DPP10: variants seen among roughly 807,000 people sequenced by gnomAD.
The protein encoded by DPP10 is dipeptidyl peptidase like 10.
Under a neutral mutation model 120.9 loss-of-function variants are expected in DPP10, and 33 were observed. The ratio of observed to expected loss-of-function variants is 0.27; its 90% CI spans 0.21 to 0.37. The LOEUF is 0.37. DPP10 is among the 10% of genes least tolerant of loss of function. DPP10 has a pLI of 1.00. For synonymous variants in DPP10, 337 were observed against 326.1 expected (o/e 1.03, Z -0.36); for missense variants, 816 against 942.8 (o/e 0.87, Z 1.76).
Position 115,746,560 on chromosome 2 carries a change from T to G in DPP10, c.950+377T>G, listed in dbSNP as rs181548269. Among the ~76,000 whole-genome samples the G allele has an allele frequency of 1.7e-4, 26 of 152,274 alleles. No individual in the cohort carries two copies. The East Asian group carries it at 3.7e-3, about 21-fold the overall frequency. ...TATAATCTCTCTGGAATTTGTGAGT[T>G]TTTCCAACTTTCTCCCCATAGTTTT... On this transcript the variant is annotated intron_variant, in intron 10 of 25. Transcript: ENST00000410059.
chr2:114,515,940 A>G (rs111359951), intron 1 of DPP10, among the ~76,000 whole-genome samples: 6 of 152,220 alleles, frequency 3.9e-5, no homozygotes, highest in East Asian at 1.9e-4. Flanking sequence ...ACTTAGCTCC[A>G]TGGTGAAGTC....
At chr2:114,658,267 AT>A (rs1482786178) in intron 1 of DPP10, among the ~76,000 whole-genome samples, 1 of 152,188 alleles carries the variant, frequency 6.6e-6, no homozygotes, top group African/African-American at 2.4e-5. Flanking sequence ...ATATTTGACA[AT>A]TTGACATGGT....
chr2:115,459,452 C>T (rs182220153), intron 3 of DPP10, among the ~76,000 whole-genome samples: 194 of 152,140 alleles, frequency 1.3e-3, no homozygotes, highest in Non-Finnish European at 1.9e-3. Context: ...CTACCACGCC[C>T]GGCTGTGAGT....
At chr2:115,589,526 T>C (rs2082496477) in intron 5 of DPP10, among the ~76,000 whole-genome samples, 1 of 152,150 alleles carries the variant, frequency 6.6e-6, no homozygotes, top group South Asian at 2.1e-4. Context: ...AGAGGATTTT[T>C]TACAAATATA....
chr2:114,779,100 G>A (rs76209579), intron 1 of DPP10, among the ~76,000 whole-genome samples: 1 of 152,126 alleles, frequency 6.6e-6, no homozygotes, highest in African/African-American at 2.4e-5. Flanking sequence ...GAGTAATCCC[G>A]TGTTGCAGCA....
intron 25 of DPP10, 110 bp downstream of exon 25, chr2:115,840,933 TG>T: frequency 1.2e-6 from 1 of 838,348 alleles, no homozygotes; most frequent in Non-Finnish European, 1.8e-6. Flanking sequence ...TTTTTTAATA[TG>T]TTTTTTAGTT....
intron 1 of DPP10, among the ~76,000 whole-genome samples, chr2:114,765,394 T>C (rs1198546804): frequency 1.3e-5 from 2 of 152,192 alleles, no homozygotes; most frequent in Non-Finnish European, 2.9e-5. Context: ...TTGCATCATT[T>C]ACCTAATTAA....
intron 1 of DPP10, among the ~76,000 whole-genome samples, chr2:115,116,843 C>G (rs958001841): frequency 1.3e-5 from 2 of 152,156 alleles, no homozygotes; most frequent in African/African-American, 4.8e-5. Flanking sequence ...TATTTTCTCT[C>G]TTTCTAGTTA....
At chr2:114,675,129 C>T (rs1334989522) in intron 1 of DPP10, among the ~76,000 whole-genome samples, 2 of 152,078 alleles carry the variant, frequency 1.3e-5, no homozygotes, top group Non-Finnish European at 2.9e-5. Flanking sequence ...ATTTTATGAA[C>T]CTCCTCATCA....
intron 1 of DPP10, among the ~76,000 whole-genome samples, chr2:114,657,586 G>A (rs181060646): frequency 4.6e-5 from 7 of 152,138 alleles, no homozygotes; most frequent in South Asian, 4.2e-4. Context: ...ATAACCCATC[G>A]TGAGAAGGCA....
intron 1 of DPP10, among the ~76,000 whole-genome samples, chr2:114,837,789 C>T (rs1484248709): frequency 6.6e-6 from 1 of 152,142 alleles, no homozygotes; most frequent in Non-Finnish European, 1.5e-5. Context: ...CTTCATAAAA[C>T]ATTCATTATT....
intron 1 of DPP10, among the ~76,000 whole-genome samples, chr2:114,845,712 C>T (rs898215468): frequency 6.6e-5 from 10 of 152,078 alleles, no homozygotes; most frequent in African/African-American, 2.4e-4. Context: ...AAGAAATATC[C>T]GTGGATTTGC....
At chr2:114,974,206 C>A (rs1305342954) in intron 1 of DPP10, among the ~76,000 whole-genome samples, 1 of 152,114 alleles carries the variant, frequency 6.6e-6, no homozygotes, top group Admixed American at 6.5e-5. Context: ...CTAAGTCCTG[C>A]AAGCTCCATT....
At chr2:115,107,029 C>A (rs994137350) in intron 1 of DPP10, among the ~76,000 whole-genome samples, 15 of 149,630 alleles carry the variant, frequency 1.0e-4, no homozygotes, top group Non-Finnish European at 5.9e-5. Context: ...GAGCTGAGAT[C>A]GAGCCACTGC....
chr2:115,308,827 C>T (rs1358851114), intron 1 of DPP10, among the ~76,000 whole-genome samples: 1 of 151,722 alleles, frequency 6.6e-6, no homozygotes, highest in Non-Finnish European at 1.5e-5. Context: ...TTGCCCCATC[C>T]AGTTAGAAAG....
At chr2:115,777,378 C>A in intron 14 of DPP10, 79 bp downstream of exon 14, 1 of 1,311,578 alleles carries the variant, frequency 7.6e-7, no homozygotes, top group East Asian at 2.4e-5. Context: ...TTATGTTTTG[C>A]TTACCATAGT....
chr2:115,260,625 A>G lies in DPP10; in HGVS notation c.61-48614A>G, dbSNP rs988993595. On this transcript the variant is annotated intron_variant, in intron 1 of 25. Coordinates refer to ENST00000410059, the MANE Select transcript of DPP10 (RefSeq NM_020868.6). ...ATTCATGAATATGTTTAAATTTTAG[A>G]AAACTGGACCACAAAAGTCTATCCT... is the stretch of plus-strand genomic sequence containing the variant. Among the ~76,000 whole-genome samples, 5 of 152,340 alleles carry G rather than the reference A, an allele frequency of 3.3e-5. No homozygotes were observed. In the East Asian group the frequency reaches 9.6e-4, roughly 29 times the overall value.
chr2:115,693,742 A>G (rs915074707), intron 7 of DPP10, among the ~76,000 whole-genome samples: 1 of 152,128 alleles, frequency 6.6e-6, no homozygotes, highest in Non-Finnish European at 1.5e-5. Flanking sequence ...TTGAAGCCAT[A>G]TTGCAGGTGA....
At chr2:115,273,527 G>A (rs1034814013) in intron 1 of DPP10, among the ~76,000 whole-genome samples, 1 of 152,068 alleles carries the variant, frequency 6.6e-6, no homozygotes, top group Non-Finnish European at 1.5e-5. Context: ...TAGTAGAGAT[G>A]GGTTTTCACC....
Sources: allele counts gnomAD v4.1 joint callset (sites outside exome capture counted in the v4.1 genomes callset), GRCh38; gene constraint gnomAD v4.1.1; transcripts MANE v1.5; gene names NCBI Gene and HGNC (gene_info 2026-07-23, HGNC 2026-07-21).